ZFHX3: variants seen among roughly 807,000 people sequenced by gnomAD.
ZFHX3 encodes zinc finger homeobox protein 3.
Under a neutral mutation model 279.1 loss-of-function variants are expected in ZFHX3, and 42 were observed. The ratio of observed to expected loss-of-function variants is 0.15; its 90% confidence interval spans 0.12 to 0.19. The LOEUF (loss-of-function observed/expected upper bound fraction) is 0.19. Among genes scored for constraint, ZFHX3 ranks in the 10% least tolerant of loss-of-function variants. The pLI is 1.00. For missense variants in ZFHX3, 4,981 were observed against 4,754.0 expected, an observed-to-expected ratio of 1.05 and a Z score of -1.40; for synonymous variants, 2,293 against 1,957.8, an observed-to-expected ratio of 1.17 and a Z score of -4.52.
chr16:73,674,425 T>C (rs1271766070), intron 2 of ZFHX3, among the ~76,000 whole-genome samples: 1 of 152,124 alleles, frequency 6.6e-6, no homozygotes. Context: ...TTGGAAGAGA[T>C]CAAACACACT....
At chr16:73,820,097 T>C (rs1456112805) in intron 1 of ZFHX3, among the ~76,000 whole-genome samples, 1 of 151,960 alleles carries the variant, frequency 6.6e-6, no homozygotes, top group Non-Finnish European at 1.5e-5. Context: ...TGGGAGTAAG[T>C]CTTTTTTTTT....
chr16:72,789,181 AC>A (rs898795579), intron 9 of ZFHX3: 10 of 227,770 alleles, frequency 4.4e-5, no homozygotes, highest in African/African-American at 2.1e-4. Context: ...TTTCAGCCAA[AC>A]AACTTCCAGA....
chr16:73,448,952 G>A (rs184283698), intron 3 of ZFHX3, among the ~76,000 whole-genome samples: 420 of 152,184 alleles, frequency 2.8e-3, no homozygotes, highest in Middle Eastern at 0.01. Context: ...CAAAAGACAA[G>A]AAAGCCATAT....
chr16:72,796,037 A>G lies in ZFHX3; in HGVS notation c.6645T>C (p.Pro2215=), dbSNP rs772603002. The G allele has an allele frequency of 1.5e-5, 25 of 1,614,146 alleles. No individual in the cohort carries two copies. The highest frequency in any genetic ancestry group is 2.0e-5 in the Non-Finnish European group (24 of 1,180,032). ...TCTTGAGCTCCTCCAGGCTGGTGATAGGAGGATTACTGAAGTTGTAAGGGG... is the reference window on the plus strand; with the variant it reads ...TCTTGAGCTCCTCCAGGCTGGTGATGGGAGGATTACTGAAGTTGTAAGGGG... The part of the protein sequence containing the change: ...KDSPYNFSNP[P]ITSLEELKID... Residue 2215 remains proline, a synonymous_variant, in exon 9 of 10, where the codon CCT becomes CCC. Coordinates refer to ENST00000268489, the MANE Select transcript of ZFHX3 (RefSeq NM_006885.4).
At chr16:73,787,852 TGAAAGAGAGAGA>T (rs1959698569) in intron 1 of ZFHX3, among the ~76,000 whole-genome samples, 1 of 132,366 alleles carries the variant, frequency 7.6e-6, no homozygotes. Flanking sequence ...TGTGTGTGTG[TGAAAGAGAGAGA>T]GAGAGAGAGA....
intron 1 of ZFHX3, among the ~76,000 whole-genome samples, chr16:72,999,918 G>A (rs367960929): frequency 5.3e-5 from 8 of 152,198 alleles, no homozygotes; most frequent in Non-Finnish European, 1.2e-4. Flanking sequence ...CTAAGAGCAG[G>A]GCAACCCGGG....
At chr16:72,939,706 G>A (rs1233406378) in intron 3 of ZFHX3, among the ~76,000 whole-genome samples, 2 of 152,206 alleles carry the variant, frequency 1.3e-5, no homozygotes, top group African/African-American at 2.4e-5. Context: ...TGGCCAACAC[G>A]GTGAAACCCT....
At chr16:72,934,652 C>T (rs1461655106) in intron 3 of ZFHX3, among the ~76,000 whole-genome samples, 2 of 150,408 alleles carry the variant, frequency 1.3e-5, no homozygotes, top group Non-Finnish European at 3.0e-5. Context: ...TTGGGTGTGG[C>T]TGCTCCCTCC....
chr16:73,110,971 C>T (rs2144798519), intron 7 of ZFHX3, among the ~76,000 whole-genome samples: 1 of 152,180 alleles, frequency 6.6e-6, no homozygotes, highest in Middle Eastern at 3.4e-3. Flanking sequence ...GATGGAGTCT[C>T]ACTCTGTTGC....
At chr16:72,817,703 G>T (rs963320986) in intron 5 of ZFHX3, among the ~76,000 whole-genome samples, 1 of 152,186 alleles carries the variant, frequency 6.6e-6, no homozygotes, top group Non-Finnish European at 1.5e-5. Flanking sequence ...AGTTTCTTTT[G>T]CATCTCTTCA....
chr16:72,830,404 C>G (rs1423936771), intron 4 of ZFHX3, among the ~76,000 whole-genome samples: 2 of 152,224 alleles, frequency 1.3e-5, no homozygotes, highest in Non-Finnish European at 2.9e-5. Context: ...CACAGAATAT[C>G]AGTGATATGA....
intron 2 of ZFHX3, among the ~76,000 whole-genome samples, chr16:73,599,909 T>C (rs1282262476): frequency 6.6e-6 from 1 of 152,312 alleles, no homozygotes; most frequent in East Asian, 1.9e-4. Flanking sequence ...TGGTTTACTC[T>C]GTTTTATGCT....
chr16:73,642,339 C>T (rs2052581149), intron 2 of ZFHX3, among the ~76,000 whole-genome samples: 1 of 152,190 alleles, frequency 6.6e-6, no homozygotes, highest in South Asian at 2.1e-4. Context: ...CACCTTCAGG[C>T]TCCTGACTTC....
At chr16:73,003,772 A>G (rs969173114) in intron 1 of ZFHX3, among the ~76,000 whole-genome samples, 1 of 152,116 alleles carries the variant, frequency 6.6e-6, no homozygotes, top group African/African-American at 2.4e-5. Flanking sequence ...TACTAGTGGC[A>G]TATGGTATGG....
chr16:73,706,051 T>A (rs990572452), intron 1 of ZFHX3, among the ~76,000 whole-genome samples: 4 of 152,158 alleles, frequency 2.6e-5, no homozygotes, highest in Non-Finnish European at 4.4e-5. Flanking sequence ...ACACCTGTAA[T>A]CCCAGCACTT....
chr16:73,382,587 C>T (rs996427330), intron 3 of ZFHX3, among the ~76,000 whole-genome samples: 4 of 152,094 alleles, frequency 2.6e-5, no homozygotes, highest in Admixed American at 1.3e-4. Flanking sequence ...ATCAGGAAAC[C>T]AGGGAGGCTG....
intron 2 of ZFHX3, among the ~76,000 whole-genome samples, chr16:73,623,067 G>C (rs1248520675): frequency 6.6e-6 from 1 of 151,288 alleles, no homozygotes; most frequent in Non-Finnish European, 1.5e-5. Context: ...GACAGAGTCT[G>C]GCTCTTTCGC....
intron 2 of ZFHX3, among the ~76,000 whole-genome samples, chr16:73,634,589 T>G (rs1406948022): frequency 6.6e-6 from 1 of 151,960 alleles, no homozygotes; most frequent in Non-Finnish European, 1.5e-5. Context: ...GCAGGTTATT[T>G]AACCCATTTT....
intron 2 of ZFHX3, among the ~76,000 whole-genome samples, chr16:73,553,531 C>T (rs2020233186): frequency 6.6e-6 from 1 of 152,142 alleles, no homozygotes; most frequent in Non-Finnish European, 1.5e-5. Context: ...AATCCTTGGT[C>T]CCTGTGGTGA....
Sources: allele counts gnomAD v4.1 joint callset (sites outside exome capture counted in the v4.1 genomes callset), GRCh38; gene constraint gnomAD v4.1.1; transcripts MANE v1.5; gene names NCBI Gene and HGNC (gene_info 2026-07-23, HGNC 2026-07-21).